Variants in DCC observed in about 807,000 individuals in gnomAD.
DCC encodes netrin receptor DCC.
A neutral mutation model predicts 172.5 loss-of-function variants in DCC; 58 were observed. That is an observed-to-expected ratio of 0.34 (90% CI 0.27 to 0.42). The LOEUF (loss-of-function observed/expected upper bound fraction) is 0.42. Ranked by LOEUF, DCC falls within the 10% of genes least tolerant of loss-of-function variation. The pLI, the probability that DCC is intolerant of heterozygous loss-of-function variation, is 1.00. For missense variants in DCC, 1,740 were observed against 1,791.0 expected, an observed-to-expected ratio of 0.97 and a Z score of 0.51; for synonymous variants, 709 against 644.5, an observed-to-expected ratio of 1.10 and a Z score of -1.52.
intron 1 of DCC, among the ~76,000 whole-genome samples, chr18:52,358,105 C>T (rs1476565262): frequency 6.6e-6 from 1 of 152,060 alleles, no homozygotes; most frequent in Non-Finnish European, 1.5e-5. Flanking sequence ...CCCAGTCTTA[C>T]AATGAGAAAA....
At chr18:53,101,557 A>G (rs1162667115) in intron 7 of DCC, among the ~76,000 whole-genome samples, 2 of 152,150 alleles carry the variant, frequency 1.3e-5, no homozygotes, top group Admixed American at 6.6e-5. Context: ...GCTGGGAACA[A>G]TAAGCTCACA....
chr18:52,770,388 G>T (rs2037320913), intron 2 of DCC, among the ~76,000 whole-genome samples: 1 of 152,144 alleles, frequency 6.6e-6, no homozygotes, highest in East Asian at 1.9e-4. Context: ...GCTATCTGTT[G>T]AGTGTTTAGG....
chr18:52,658,744 G>C (rs1041229990), intron 1 of DCC, among the ~76,000 whole-genome samples: 3 of 151,926 alleles, frequency 2.0e-5, no homozygotes, highest in Non-Finnish European at 4.4e-5. Flanking sequence ...TATAGTAGTT[G>C]GGAATGGAAA....
chr18:53,325,114 AC>A (rs1397023358), intron 14 of DCC, among the ~76,000 whole-genome samples: 2 of 142,378 alleles, frequency 1.4e-5, no homozygotes, highest in South Asian at 4.5e-4. Flanking sequence ...AATTGCTTGA[AC>A]CCGGGAGGCA....
intron 7 of DCC, among the ~76,000 whole-genome samples, chr18:53,074,835 A>G (rs747155612): frequency 1.2e-4 from 18 of 152,152 alleles, no homozygotes; most frequent in Non-Finnish European, 2.6e-4. Context: ...GTATTGGAAT[A>G]TAGTGTATAT....
At chr18:53,435,383 A>G (rs1052499109) in intron 22 of DCC, among the ~76,000 whole-genome samples, 174 bp downstream of exon 22, 1 of 152,176 alleles carries the variant, frequency 6.6e-6, no homozygotes, top group Non-Finnish European at 1.5e-5. Context: ...AACAAAAAAA[A>G]CAAAAAACTT....
intron 1 of DCC, among the ~76,000 whole-genome samples, chr18:52,731,983 GCT>G (rs1412196053): frequency 6.6e-6 from 1 of 152,046 alleles, no homozygotes; most frequent in African/African-American, 2.4e-5. Flanking sequence ...TCTTTTTACG[GCT>G]TTCTATATGC....
At chr18:52,862,074 A>G (rs544325007) in intron 2 of DCC, among the ~76,000 whole-genome samples, 3 of 152,306 alleles carry the variant, frequency 2.0e-5, no homozygotes, top group East Asian at 1.9e-4. Context: ...GGAATCTCAT[A>G]CAGTATTAGA....
chr18:53,306,321 T>C (rs2057199900), intron 13 of DCC, among the ~76,000 whole-genome samples: 2 of 152,180 alleles, frequency 1.3e-5, no homozygotes, highest in Admixed American at 1.3e-4. Flanking sequence ...CAACCTTTAA[T>C]TCACAACAGC....
At chr18:53,117,035 A>G (rs1400935840) in intron 7 of DCC, among the ~76,000 whole-genome samples, 4 of 151,754 alleles carry the variant, frequency 2.6e-5, no homozygotes, top group Non-Finnish European at 4.4e-5. Flanking sequence ...GTTATAATCA[A>G]TGAAAATCCA....
chr18:52,549,810 G>A (rs142088356), intron 1 of DCC, among the ~76,000 whole-genome samples: 2 of 151,226 alleles, frequency 1.3e-5, no homozygotes, highest in African/African-American at 2.4e-5. Context: ...TCTTTTCCAG[G>A]CACTGCTTTT....
At chr18:52,385,116 G>A (rs888114560) in intron 1 of DCC, among the ~76,000 whole-genome samples, 3 of 152,012 alleles carry the variant, frequency 2.0e-5, no homozygotes, top group South Asian at 4.2e-4. Flanking sequence ...AAATGTGAAT[G>A]GTTCACAACC....
intron 1 of DCC, among the ~76,000 whole-genome samples, chr18:52,377,910 G>A (rs1397948980): frequency 1.3e-5 from 2 of 152,008 alleles, no homozygotes; most frequent in East Asian, 3.9e-4. Flanking sequence ...ATGTTGGCCA[G>A]GCTGGTCTCA....
intron 1 of DCC, among the ~76,000 whole-genome samples, chr18:52,623,429 C>T (rs2034517363): frequency 6.6e-6 from 1 of 152,154 alleles, no homozygotes; most frequent in South Asian, 2.1e-4. Flanking sequence ...AGGAGCTTGG[C>T]ATTTGCATTA....
intron 1 of DCC, among the ~76,000 whole-genome samples, chr18:52,573,251 A>T (rs73957929): frequency 0.034 from 5,131 of 152,066 alleles, 213 homozygotes; most frequent in Admixed American, 0.11. Context: ...ACATAAATTT[A>T]AAAAAAATAA....
intron 1 of DCC, among the ~76,000 whole-genome samples, chr18:52,670,996 C>T (rs1253307957): frequency 1.3e-5 from 2 of 152,146 alleles, no homozygotes; most frequent in Non-Finnish European, 2.9e-5. Flanking sequence ...CCAAAGCTTC[C>T]CCAGCAGGGT....
At chr18:53,049,222 A>G (rs1191940238) in intron 5 of DCC, among the ~76,000 whole-genome samples, 2 of 151,856 alleles carry the variant, frequency 1.3e-5, no homozygotes, top group Admixed American at 6.6e-5. Flanking sequence ...TTCTATTGCA[A>G]TTGTTTTTGG....
intron 2 of DCC, among the ~76,000 whole-genome samples, chr18:52,796,638 T>C (rs1235949254): frequency 6.6e-6 from 1 of 152,178 alleles, no homozygotes; most frequent in Non-Finnish European, 1.5e-5. Context: ...TTTGAATATG[T>C]CATTCCATTT....
chr18:52,609,716 G>A (rs747919162), intron 1 of DCC, among the ~76,000 whole-genome samples: 7 of 149,994 alleles, frequency 4.7e-5, no homozygotes, highest in Admixed American at 1.4e-4. Context: ...ATATCTGGAC[G>A]GGGACCTGAA....
Sources: allele counts gnomAD v4.1 joint callset (sites outside exome capture counted in the v4.1 genomes callset), GRCh38; gene constraint gnomAD v4.1.1; transcripts MANE v1.5; gene names NCBI Gene and HGNC (gene_info 2026-07-23, HGNC 2026-07-21).